The following MEGF10 variants were observed in gnomAD, a reference collection of about 807,000 sequenced individuals.
MEGF10 encodes the protein multiple EGF like domains 10, also known as multiple epidermal growth factor-like domains protein 10.
MEGF10 carries 86 observed loss-of-function variants against 147.5 expected under a neutral mutation model. That is an observed-to-expected ratio of 0.58 (90% CI 0.49 to 0.70). MEGF10 has a LOEUF of 0.70. Among genes scored for constraint, MEGF10 ranks in the 30% least tolerant of loss-of-function variants. The pLI, the probability that MEGF10 is intolerant of heterozygous loss-of-function variation, is 0.00. For missense variants in MEGF10, 1,329 were observed against 1,487.3 expected (o/e 0.89, Z 1.75); for synonymous variants, 478 against 525.5 (o/e 0.91, Z 1.24).
chr5:127,442,961 C>A, intron 18 of MEGF10, 37 bp from the exon 19 acceptor site: 1 of 1,590,076 alleles, frequency 6.3e-7, no homozygotes, highest in South Asian at 1.1e-5. Flanking sequence ...TCCAAATTCC[C>A]AAGGTTGGAA....
the MEGF10 span, among the ~76,000 whole-genome samples, chr5:127,232,099 C>G: frequency 6.6e-6 from 1 of 152,182 alleles, no homozygotes; most frequent in Non-Finnish European, 1.5e-5. Context: ...GTTCCTTCAC[C>G]TCAGCATTTT....
At chr5:127,287,483 T>C (rs1287633022), upstream of MEGF10, among the ~76,000 whole-genome samples, 1 of 151,996 alleles carries the variant, frequency 6.6e-6, no homozygotes, top group Non-Finnish European at 1.5e-5. Context: ...AATAATTCCA[T>C]TTATGAAATA....
At chr5:127,440,226 G>A (rs1161191116) in intron 17 of MEGF10, among the ~76,000 whole-genome samples, 3 of 152,140 alleles carry the variant, frequency 2.0e-5, no homozygotes, top group Non-Finnish European at 2.9e-5. Flanking sequence ...TTTAAGGTAA[G>A]CATTCTAGTA....
intron 22 of MEGF10, among the ~76,000 whole-genome samples, chr5:127,451,399 A>G (rs1048003365): frequency 3.9e-5 from 6 of 152,194 alleles, no homozygotes; most frequent in Admixed American, 2.0e-4. Context: ...CCTAACTTTT[A>G]TCTGTATTCT....
At chr5:127,407,202 A>G (rs551301269) in intron 8 of MEGF10, among the ~76,000 whole-genome samples, 4 of 152,178 alleles carry the variant, frequency 2.6e-5, no homozygotes, top group Admixed American at 2.6e-4. Context: ...CCCCCAGAGC[A>G]GCAGTTCCGG....
At chr5:127,405,591 T>G (rs1223372296) in intron 8 of MEGF10, among the ~76,000 whole-genome samples, 1 of 152,146 alleles carries the variant, frequency 6.6e-6, no homozygotes, top group Non-Finnish European at 1.5e-5. Flanking sequence ...TCAATATGTA[T>G]AATGATTATT....
chr5:127,355,402 G>A (rs1326004712), intron 4 of MEGF10, among the ~76,000 whole-genome samples: 1 of 152,118 alleles, frequency 6.6e-6, no homozygotes, highest in Non-Finnish European at 1.5e-5. Flanking sequence ...GCTAGTCAAA[G>A]AGAGCCTGAC....
At chr5:127,333,240 G>GTGCC (rs1761334910) in intron 2 of MEGF10, among the ~76,000 whole-genome samples, 2 of 152,140 alleles carry the variant, frequency 1.3e-5, no homozygotes, top group Admixed American at 1.3e-4. Context: ...AAAAGGTTGG[G>GTGCC]TGCGGTGGCT....
intron 18 of MEGF10, among the ~76,000 whole-genome samples, chr5:127,441,498 C>G (rs1005559548): frequency 2.6e-5 from 4 of 152,178 alleles, no homozygotes; most frequent in African/African-American, 9.6e-5. Flanking sequence ...TTCCACCCCA[C>G]TAGCTATGCA....
chr5:127,256,552 C>T, the MEGF10 span, among the ~76,000 whole-genome samples: 19 of 152,130 alleles, frequency 1.2e-4, no homozygotes, highest in African/African-American at 4.6e-4. Flanking sequence ...CATAAATCCC[C>T]ACTTGTTCTT....
chr5:127,259,112 G>A, the MEGF10 span, among the ~76,000 whole-genome samples: 11 of 152,132 alleles, frequency 7.2e-5, no homozygotes, highest in African/African-American at 2.7e-4. Context: ...AATTCCAGAT[G>A]AGAATAGGCA....
intron 7 of MEGF10, among the ~76,000 whole-genome samples, chr5:127,401,079 T>G (rs1243459203): frequency 6.6e-6 from 1 of 152,202 alleles, no homozygotes; most frequent in Non-Finnish European, 1.5e-5. Flanking sequence ...TTTCTGAAGC[T>G]TATGTGGGAC....
At chr5:127,303,232 A>T (rs562125351) in intron 1 of MEGF10, among the ~76,000 whole-genome samples, 1 of 150,302 alleles carries the variant, frequency 6.7e-6, no homozygotes, top group East Asian at 2.0e-4. Flanking sequence ...GCTACTCGGG[A>T]GGCTGAGGCA....
At chr5:127,261,486 A>G in the MEGF10 span, among the ~76,000 whole-genome samples, 1 of 152,198 alleles carries the variant, frequency 6.6e-6, no homozygotes, top group Non-Finnish European at 1.5e-5. Flanking sequence ...TAGTATCAAT[A>G]TACCATGTTT....
chr5:127,419,023 G>T (rs1156524597), intron 10 of MEGF10, 97 bp from the exon 11 acceptor site: 1 of 1,362,744 alleles, frequency 7.3e-7, no homozygotes, highest in Non-Finnish European at 1.0e-6. Flanking sequence ...TAGAGAGGAA[G>T]TATAATTAGC....
At chr5:127,420,434 C>T (rs1764953204) in intron 12 of MEGF10, among the ~76,000 whole-genome samples, 1 of 151,990 alleles carries the variant, frequency 6.6e-6, no homozygotes, top group African/African-American at 2.4e-5. Context: ...CCTTCTTTTC[C>T]TTCATCTTGT....
At chr5:127,247,336 AAGAAGAAGAAGAAGAAGAAGAAGAAGAAG>A in the MEGF10 span, among the ~76,000 whole-genome samples, 1 of 3,774 alleles carries the variant, frequency 2.6e-4, no homozygotes, top group Non-Finnish European at 6.8e-4. Context: ...GAAGAAGAAG[AAGAAGAAGAAGAAGAAGAAGAAGAAGAAG>A]AAGAAGAAGA....
At chr5:127,247,092 A>G in the MEGF10 span, among the ~76,000 whole-genome samples, 1 of 138,274 alleles carries the variant, frequency 7.2e-6, no homozygotes, top group Non-Finnish European at 1.5e-5. Context: ...GAGGAAGTAA[A>G]GCATGATAGT....
At chr5:127,268,168 G>A in the MEGF10 span, among the ~76,000 whole-genome samples, 3 of 152,082 alleles carry the variant, frequency 2.0e-5, no homozygotes, top group South Asian at 2.1e-4. Context: ...CCTTCATTTC[G>A]TTATGTACCC....
Sources: gnomAD v4.1 joint callset for allele counts (sites outside exome capture counted in the v4.1 genomes callset) on GRCh38, gnomAD v4.1.1 for gene constraint, MANE v1.5 for transcripts, NCBI Gene and HGNC (gene_info 2026-07-23, HGNC 2026-07-21) for gene names.